The following RAB11FIP4 variants were observed in gnomAD, a reference collection of about 807,000 sequenced individuals.
The protein encoded by RAB11FIP4 is RAB11 family interacting protein 4.
RAB11FIP4 carries 23 observed loss-of-function variants against 74.3 expected under a neutral mutation model. The ratio of observed to expected loss-of-function variants is 0.31; its 90% CI spans 0.22 to 0.44. The LOEUF (loss-of-function observed/expected upper bound fraction) is 0.44, where lower values mean the gene tolerates loss of function less well. Among genes scored for constraint, RAB11FIP4 ranks in the 20% least tolerant of loss-of-function variants. RAB11FIP4 has a pLI of 1.00. For missense variants in RAB11FIP4, 630 were observed against 863.9 expected (o/e 0.73, Z 3.39); for synonymous variants, 360 against 359.9 (o/e 1.00, Z 0.00).
intron 13 of RAB11FIP4, 113 bp downstream of exon 13, chr17:31,528,891 C>A: frequency 8.1e-7 from 1 of 1,232,756 alleles, no homozygotes; most frequent in Non-Finnish European, 1.1e-6. Flanking sequence ...CACTGCCTGT[C>A]TGCTTCTCAG....
intron 3 of RAB11FIP4, among the ~76,000 whole-genome samples, chr17:31,465,051 G>T (rs2071671940): frequency 6.6e-6 from 1 of 152,080 alleles, no homozygotes; most frequent in Non-Finnish European, 1.5e-5. Context: ...GAGCTACAGT[G>T]CCTGGCCTGG....
rs2072974420 is a variant in RAB11FIP4, at chr17:31,536,925, G to A, written c.*5193G>A. On this transcript the variant is annotated 3_prime_UTR_variant, in exon 15 of 15. Transcript: ENST00000621161. ...GCGAGGTTTCCCATATGACCTCCCT[G>A]CCCCGACCTCGTAGGTTGCTCCTTT... The A allele has an allele frequency of 5.0e-6, 2 of 398,978 alleles. No individual in the cohort carries two copies. The highest frequency in any genetic ancestry group is 8.8e-6 in the Non-Finnish European group (2 of 226,106). The allele number at this position is 398,978 out of a possible 1,614,324, so 24.7% of individuals were successfully genotyped here. A position where few individuals can be genotyped will look rare whatever the true frequency, so the allele number is the denominator to read the frequency against.
intron 3 of RAB11FIP4, among the ~76,000 whole-genome samples, chr17:31,477,830 T>C (rs2071809160): frequency 1.3e-5 from 2 of 152,148 alleles, no homozygotes; most frequent in Admixed American, 1.3e-4. Flanking sequence ...ACTTACTAGC[T>C]GTATGTCCTT....
rs1445110101 is a variant in RAB11FIP4 at position 31,537,782 on chromosome 17, G to C, written c.*6050G>C. 6.5e-6 allele frequency: 1 copy of C among 152,860 alleles called. No homozygotes were observed. The allele number at this position is 152,860 out of a possible 1,614,324, so 9.5% of individuals were successfully genotyped here. On this transcript the variant is annotated 3_prime_UTR_variant, in exon 15 of 15. Coordinates refer to ENST00000621161, the MANE Select transcript of RAB11FIP4 (RefSeq NM_032932.6). ...CTTGTCTGCTGAGGTGCTCAGACCA[G>C]AGTGCCATTAAATACCAACTGATGT...
intron 4 of RAB11FIP4, among the ~76,000 whole-genome samples, chr17:31,520,117 CAAACTT>C (rs1258874412): frequency 1.4e-5 from 2 of 141,780 alleles, no homozygotes; most frequent in Non-Finnish European, 3.1e-5. Context: ...AAAAAAAAGA[CAAACTT>C]AAAAAATAAC....
chr17:31,528,388 C>CG lies in RAB11FIP4; in HGVS notation c.1357-15dup. Reference sequence around the variant, plus strand: ...TCTCTGGGAACTCTCCTCCCCTGATCGGGTCTCCCTGCTCCAGGAGCGGCA... The same window carrying CG: ...TCTCTGGGAACTCTCCTCCCCTGATCGGGGTCTCCCTGCTCCAGGAGCGGCA... On this transcript the variant is annotated splice_polypyrimidine_tract_variant and intron_variant, in intron 11 of 14. Transcript: ENST00000621161. The CG allele has an allele frequency of 1.9e-6, 3 of 1,609,120 alleles. No individual in the cohort carries two copies. In the East Asian group the frequency reaches 6.7e-5, roughly 36 times the overall value.
intron 3 of RAB11FIP4, among the ~76,000 whole-genome samples, chr17:31,496,355 A>G (rs1173455665): frequency 6.6e-6 from 1 of 152,200 alleles, no homozygotes; most frequent in Non-Finnish European, 1.5e-5. Context: ...GCTGTGTGCA[A>G]GGCAACATTC....
intron 1 of RAB11FIP4, among the ~76,000 whole-genome samples, chr17:31,393,891 G>C (rs1054072325): frequency 6.6e-6 from 1 of 151,858 alleles, no homozygotes; most frequent in Admixed American, 6.6e-5. Flanking sequence ...CAAGCAGACC[G>C]CCCCCCGCCG....
intron 1 of RAB11FIP4, among the ~76,000 whole-genome samples, chr17:31,413,316 G>A (rs2071116296): frequency 6.6e-6 from 1 of 151,948 alleles, no homozygotes; most frequent in South Asian, 2.1e-4. Context: ...TTAAATAATG[G>A]GTCTAAAGCC....
At chr17:31,472,184 G>C (rs2071744051) in intron 3 of RAB11FIP4, among the ~76,000 whole-genome samples, 1 of 150,618 alleles carries the variant, frequency 6.6e-6, no homozygotes, top group South Asian at 2.1e-4. Context: ...AAAATGCAGA[G>C]TCACAGAACA....
At chr17:31,415,709 C>T (rs735053) in intron 1 of RAB11FIP4, among the ~76,000 whole-genome samples, 27,173 of 152,024 alleles carry the variant, frequency 0.18, 4,779 homozygotes, top group African/African-American at 0.44. Context: ...GTAAAGCAGT[C>T]TGTGGTGGAG....
intron 3 of RAB11FIP4, among the ~76,000 whole-genome samples, chr17:31,466,827 C>T (rs2071690435): frequency 6.6e-6 from 1 of 152,210 alleles, no homozygotes; most frequent in Admixed American, 6.5e-5. Context: ...CTCAGAGTCC[C>T]TAATGGGGAC....
At chr17:31,469,942 A>G (rs2071722017) in intron 3 of RAB11FIP4, among the ~76,000 whole-genome samples, 1 of 152,222 alleles carries the variant, frequency 6.6e-6, no homozygotes, top group Non-Finnish European at 1.5e-5. Context: ...GAGCTGACAT[A>G]AATACTAAAT....
At chr17:31,443,158 T>C (rs929700971) in intron 3 of RAB11FIP4, among the ~76,000 whole-genome samples, 1 of 152,190 alleles carries the variant, frequency 6.6e-6, no homozygotes, top group African/African-American at 2.4e-5. Context: ...ACAGTTTAAC[T>C]TCTTAAAGTA....
rs577940644 is a variant in RAB11FIP4, at chr17:31,442,275, A to C, written c.336+8153A>C. Among the ~76,000 whole-genome samples the C allele has an allele frequency of 2.6e-3, 398 of 152,344 alleles. 2 individuals are homozygous for C. The highest frequency in any genetic ancestry group is 8.7e-3 in the African/African-American group (360 of 41,578). Reference sequence around the variant, plus strand: ...CGGCCTCCCAAAGTGCTGGGATTACAGGCGTGAGCCACCATGCCCAGCCAG... The same window carrying C: ...CGGCCTCCCAAAGTGCTGGGATTACCGGCGTGAGCCACCATGCCCAGCCAG... On this transcript the variant is annotated intron_variant, in intron 3 of 14. Transcript: ENST00000621161.
intron 3 of RAB11FIP4, among the ~76,000 whole-genome samples, chr17:31,480,793 C>CAAAAA (rs36097331): frequency 2.3e-4 from 17 of 73,826 alleles, no homozygotes; most frequent in South Asian, 4.9e-4. Flanking sequence ...GACTCCGTCT[C>CAAAAA]AAAAAAAAAA....
At chr17:31,443,992 A>G (rs1195850573) in intron 3 of RAB11FIP4, among the ~76,000 whole-genome samples, 1 of 152,216 alleles carries the variant, frequency 6.6e-6, no homozygotes, top group Non-Finnish European at 1.5e-5. Flanking sequence ...TCTTTTGCTC[A>G]TATTCAGAAG....
Position 31,442,256 on chromosome 17 carries a change from C to T in RAB11FIP4, c.336+8134C>T, listed in dbSNP as rs553095075. The stretch of plus-strand genomic sequence containing the variant: ...CCTCGTGATCCACCTGCCTCGGCCT[C>T]CCAAAGTGCTGGGATTACAGGCGTG... On this transcript the variant is annotated intron_variant, in intron 3 of 14. Transcript: ENST00000621161. Among the ~76,000 whole-genome samples, 5 of 152,282 alleles carry T rather than the reference C, an allele frequency of 3.3e-5. No homozygotes were observed. The South Asian group carries it at 8.3e-4, about 25-fold the overall frequency.
At chr17:31,434,367 G>C (rs893926409) in intron 3 of RAB11FIP4, among the ~76,000 whole-genome samples, 1 of 152,194 alleles carries the variant, frequency 6.6e-6, no homozygotes, top group African/African-American at 2.4e-5. Context: ...GCACGGAGGA[G>C]AGACTGAGTT....
Sources: gnomAD v4.1 joint callset for allele counts (sites outside exome capture counted in the v4.1 genomes callset) on GRCh38, gnomAD v4.1.1 for gene constraint, MANE v1.5 for transcripts, NCBI Gene and HGNC (gene_info 2026-07-23, HGNC 2026-07-21) for gene names.